Variants in AJAP1 observed in about 807,000 individuals in gnomAD.
The protein encoded by AJAP1 is adherens junctions associated protein 1.
In AJAP1, 5 loss-of-function variants were observed where a neutral mutation model predicts 35.0. The ratio of observed to expected loss-of-function variants is 0.14; its 90% confidence interval spans 0.07 to 0.30. The LOEUF (loss-of-function observed/expected upper bound fraction) is 0.30, where lower values mean the gene tolerates loss of function less well. Ranked by LOEUF, AJAP1 falls within the 10% of genes least tolerant of loss-of-function variation. The probability of loss-of-function intolerance (pLI) is 1.00; values close to 1 mark genes in which losing one functional copy is unlikely to be tolerated. For missense variants in AJAP1, 586 were observed against 571.0 expected (o/e 1.03, Z -0.27); for synonymous variants, 284 against 249.3 (o/e 1.14, Z -1.31).
intron 2 of AJAP1, among the ~76,000 whole-genome samples, chr1:4,718,988 G>A (rs568218858): frequency 8.5e-5 from 13 of 152,298 alleles, no homozygotes; most frequent in South Asian, 2.1e-4. Flanking sequence ...GCGGCTGCAC[G>A]AAACACACCC....
chr1:4,726,151 A>G (rs138537031), intron 2 of AJAP1, among the ~76,000 whole-genome samples: 3 of 151,906 alleles, frequency 2.0e-5, no homozygotes, highest in Non-Finnish European at 2.9e-5. Flanking sequence ...AGAGCTGGGC[A>G]CAGGGGCAGG....
chr1:4,703,554 C>A (rs184878072), intron 1 of AJAP1, among the ~76,000 whole-genome samples: 1 of 152,160 alleles, frequency 6.6e-6, no homozygotes. Context: ...TTAGGGATAA[C>A]GAGGCCATTT....
intron 2 of AJAP1, among the ~76,000 whole-genome samples, chr1:4,715,627 GT>G (rs1410743954): frequency 6.6e-6 from 1 of 152,176 alleles, no homozygotes; most frequent in Non-Finnish European, 1.5e-5. Context: ...GGAGGTTGCG[GT>G]GAGCCAAGAT....
chr1:4,739,454 C>A (rs186721672), intron 2 of AJAP1, among the ~76,000 whole-genome samples: 2 of 152,302 alleles, frequency 1.3e-5, no homozygotes, highest in African/African-American at 4.8e-5. Flanking sequence ...CGTGTTAACT[C>A]CAGGTCTCCT....
chr1:4,762,761 T>C (rs1641598765), intron 2 of AJAP1, among the ~76,000 whole-genome samples: 1 of 152,196 alleles, frequency 6.6e-6, no homozygotes, highest in Admixed American at 6.5e-5. Context: ...CAAATGGCAC[T>C]GTGCAACCTT....
At chr1:4,713,483 A>G (rs751140381) in intron 2 of AJAP1, among the ~76,000 whole-genome samples, 54 of 152,112 alleles carry the variant, frequency 3.6e-4, no homozygotes, top group Non-Finnish European at 7.3e-5. Flanking sequence ...TTCCTCCTAT[A>G]CGCTGTCCTC....
intron 2 of AJAP1, among the ~76,000 whole-genome samples, chr1:4,722,030 A>G (rs539592891): frequency 1.3e-3 from 205 of 152,324 alleles, no homozygotes; most frequent in Non-Finnish European, 2.2e-3. Flanking sequence ...TGGCCTCTGC[A>G]TAGGGTCACT....
intron 2 of AJAP1, among the ~76,000 whole-genome samples, chr1:4,740,467 G>C (rs1235270413): frequency 1.4e-5 from 2 of 145,780 alleles, no homozygotes; most frequent in African/African-American, 5.0e-5. Flanking sequence ...ATGTAAATGT[G>C]CTTAATGCTG....
intron 2 of AJAP1, among the ~76,000 whole-genome samples, chr1:4,759,219 C>A (rs949517468): frequency 2.6e-5 from 4 of 152,142 alleles, no homozygotes; most frequent in Non-Finnish European, 5.9e-5. Flanking sequence ...TTAGATGGGG[C>A]CGCTGGATGG....
chr1:4,655,010 C>G lies in AJAP1; in HGVS notation c.-416C>G, dbSNP rs1480985786. 6 of 150,540 alleles carry G rather than the reference C, an allele frequency of 4.0e-5. No individual in the cohort carries two copies. The highest frequency in any genetic ancestry group is 7.3e-5 in the African/African-American group (3 of 41,288). The allele number at this position is 150,540 out of a possible 1,614,324, so 9.3% of individuals were successfully genotyped here. ...GGCAAGAGCCGCGCGCCGGGAGACA[C>G]GCACCGTGAGCGGCAGCGCCGCCGG... On this transcript the variant is annotated 5_prime_UTR_variant, in exon 1 of 6. Coordinates refer to ENST00000378191, the MANE Select transcript of AJAP1 (RefSeq NM_018836.4). This position sits in a 1 kb window ranked among gnomAD's most constrained non-coding sequence, Gnocchi z 6.9.
intron 2 of AJAP1, among the ~76,000 whole-genome samples, chr1:4,724,100 G>A (rs1640590832): frequency 6.6e-6 from 1 of 152,232 alleles, no homozygotes; most frequent in African/African-American, 2.4e-5. Context: ...GCACCGACAT[G>A]GCCCCTGCCA....
At chr1:4,687,042 G>A (rs1349258823) in intron 1 of AJAP1, among the ~76,000 whole-genome samples, 1 of 152,212 alleles carries the variant, frequency 6.6e-6, no homozygotes, top group African/African-American at 2.4e-5. Flanking sequence ...GCAAGGCCAT[G>A]TCCTCACCAC....
intron 2 of AJAP1, among the ~76,000 whole-genome samples, chr1:4,724,293 G>A (rs1397421126): frequency 6.6e-6 from 1 of 152,100 alleles, no homozygotes; most frequent in Non-Finnish European, 1.5e-5. Flanking sequence ...GAGAGGAGGT[G>A]GCCAAGGGAG....
chr1:4,774,241 G>A (rs1321526547), intron 4 of AJAP1, among the ~76,000 whole-genome samples, 186 bp from the exon 5 acceptor site: 5 of 152,168 alleles, frequency 3.3e-5, no homozygotes, highest in Admixed American at 6.5e-5. Flanking sequence ...GAAAGCATTC[G>A]TGTGTGAGGA....
intron 2 of AJAP1, among the ~76,000 whole-genome samples, chr1:4,769,423 C>T (rs1423486509): frequency 1.3e-5 from 2 of 152,188 alleles, no homozygotes; most frequent in African/African-American, 2.4e-5. Context: ...TGGAGCTAAC[C>T]GTTCCAGAAT....
Position 4,790,641 on chromosome 1 carries a change from A to G in AJAP1, c.*8156A>G, listed in dbSNP as rs1351672009. On this transcript the variant is annotated 3_prime_UTR_variant, in exon 6 of 6. Transcript: ENST00000378191. The stretch of plus-strand genomic sequence containing the variant: ...CGTTTGCGTTGCTTCCTCTGAAGCC[A>G]GAGGGTGAAAGGCCCTAGCAAAGTT... The G allele has an allele frequency of 6.6e-6, 1 of 152,232 alleles. No individual in the cohort carries two copies. Among genetic ancestry groups the G allele is most frequent in the Admixed American group, 6.5e-5 (1 of 15,292 alleles). 9.4% of individuals were successfully genotyped at this position (152,232 alleles called of 1,614,324 possible).
At chr1:4,755,544 A>C (rs1570200068) in intron 2 of AJAP1, among the ~76,000 whole-genome samples, 2 of 147,428 alleles carry the variant, frequency 1.4e-5, no homozygotes, top group African/African-American at 5.0e-5. Context: ...CCCCACCCCC[A>C]CCCCCTGCCT....
chr1:4,695,128 T>A (rs182457630), intron 1 of AJAP1, among the ~76,000 whole-genome samples: 285 of 152,110 alleles, frequency 1.9e-3, no homozygotes, highest in African/African-American at 6.6e-3. Flanking sequence ...ATTGTGTGGA[T>A]GGAGGCAGGG....
intron 2 of AJAP1, among the ~76,000 whole-genome samples, chr1:4,768,198 C>T (rs1641731748): frequency 6.6e-6 from 1 of 152,238 alleles, no homozygotes; most frequent in Non-Finnish European, 1.5e-5. Flanking sequence ...CAGCTGTTGC[C>T]TGTGGGTGAG....
Sources: allele counts gnomAD v4.1 joint callset (sites outside exome capture counted in the v4.1 genomes callset), GRCh38; gene constraint gnomAD v4.1.1; non-coding constraint Gnocchi (gnomAD v3.1); transcripts MANE v1.5; gene names NCBI Gene and HGNC (gene_info 2026-07-23, HGNC 2026-07-21).